Variants in ELAVL2 observed in about 807,000 individuals in gnomAD.
ELAVL2 encodes ELAV-like protein 2.
A neutral mutation model predicts 34.6 loss-of-function variants in ELAVL2; 4 were observed. The ratio of observed to expected loss-of-function variants is 0.12; its 90% CI spans 0.06 to 0.26. ELAVL2 has a LOEUF of 0.26. ELAVL2 is among the 10% of genes least tolerant of loss of function. The pLI is 1.00. For synonymous variants in ELAVL2, 193 were observed against 154.8 expected, an observed-to-expected ratio of 1.25 and a Z score of -1.83; for missense variants, 432 against 442.8, an observed-to-expected ratio of 0.98 and a Z score of 0.22.
chr9:23,772,637 G>C (rs1459268526), intron 1 of ELAVL2, among the ~76,000 whole-genome samples: 3 of 151,606 alleles, frequency 2.0e-5, no homozygotes, highest in Non-Finnish European at 4.4e-5. Context: ...CCATCCCAGG[G>C]CACATAAATA....
chr9:23,701,423 G>A lies in ELAVL2; in HGVS notation c.669C>T (p.Asn223=), dbSNP rs767990129. Residue 223 remains asparagine, a synonymous_variant, in exon 5 of 7, where the codon AAC becomes AAT. Transcript: ENST00000397312. ...AILSQLYQSP[N]RRYPGPLAQQ... Reference sequence around the variant, plus strand: ...GAGCTAGCGGTCCTGGATACCTTCTGTTTGGAGACTGGTACAGCTGGGAAA... The same window carrying A: ...GAGCTAGCGGTCCTGGATACCTTCTATTTGGAGACTGGTACAGCTGGGAAA... 4 of 1,614,018 alleles carry A rather than the reference G, an allele frequency of 2.5e-6. No homozygotes were observed. Among genetic ancestry groups the A allele is most frequent in the Non-Finnish European group, 3.4e-6 (4 of 1,180,002 alleles).
chr9:23,846,397 A>G, the ELAVL2 span, among the ~76,000 whole-genome samples: 1 of 151,992 alleles, frequency 6.6e-6, no homozygotes, highest in Non-Finnish European at 1.5e-5. Flanking sequence ...TAAAAATCAT[A>G]TAACATTTTA....
chr9:23,778,463 T>C (rs778975446), intron 1 of ELAVL2, among the ~76,000 whole-genome samples: 3 of 152,222 alleles, frequency 2.0e-5, no homozygotes, highest in Admixed American at 6.5e-5. Flanking sequence ...CTGATTTCGC[T>C]TAATAAATAA....
At chr9:23,768,744 G>A (rs2056779292) in intron 1 of ELAVL2, among the ~76,000 whole-genome samples, 4 of 152,088 alleles carry the variant, frequency 2.6e-5, no homozygotes, top group Admixed American at 2.0e-4. Flanking sequence ...CCAAGCCTCT[G>A]GCCAGCAGGG....
intron 1 of ELAVL2, among the ~76,000 whole-genome samples, chr9:23,777,465 T>C (rs2058398766): frequency 1.3e-5 from 2 of 152,156 alleles, no homozygotes; most frequent in African/African-American, 4.8e-5. Context: ...AAACGTGCCC[T>C]TTCTATACCC....
chr9:23,702,673 A>AT (rs955342965), intron 4 of ELAVL2, among the ~76,000 whole-genome samples: 9 of 151,796 alleles, frequency 5.9e-5, no homozygotes, highest in Admixed American at 1.3e-4. Flanking sequence ...TAGACAAAGC[A>AT]TTTTTTCCAC....
At chr9:23,731,190 A>G in intron 2 of ELAVL2, 65 bp from the exon 3 acceptor site, 2 of 1,411,918 alleles carry the variant, frequency 1.4e-6, no homozygotes, top group Non-Finnish European at 1.9e-6. Flanking sequence ...ATCAACTTTC[A>G]TTTTGGCATA....
intron 2 of ELAVL2, among the ~76,000 whole-genome samples, chr9:23,734,350 C>T (rs1437833640): frequency 6.6e-6 from 1 of 152,128 alleles, no homozygotes; most frequent in Non-Finnish European, 1.5e-5. Context: ...TTCACATTAA[C>T]CATGTTCGGT....
intron 2 of ELAVL2, among the ~76,000 whole-genome samples, chr9:23,749,482 C>T (rs1227934112): frequency 1.3e-5 from 2 of 151,992 alleles, no homozygotes; most frequent in Admixed American, 6.6e-5. Context: ...GTTCAAGATA[C>T]GCAGATGGGC....
intron 6 of ELAVL2, 144 bp from the exon 7 acceptor site, chr9:23,693,028 T>C (rs1436113163): frequency 3.9e-6 from 3 of 777,298 alleles, no homozygotes; most frequent in Middle Eastern, 3.4e-4. Context: ...TTTCATGTTT[T>C]GACCAAGGTC....
chr9:23,776,033 G>C (rs767273692), intron 1 of ELAVL2, among the ~76,000 whole-genome samples: 1 of 152,132 alleles, frequency 6.6e-6, no homozygotes, highest in Non-Finnish European at 1.5e-5. Flanking sequence ...AAGGTGGCAA[G>C]TAAAAAACAA....
chr9:23,764,785 T>C (rs927667224), intron 1 of ELAVL2, among the ~76,000 whole-genome samples: 1 of 152,112 alleles, frequency 6.6e-6, no homozygotes, highest in African/African-American at 2.4e-5. Flanking sequence ...CTAATTTAGA[T>C]TGTAAAAAAA....
intron 2 of ELAVL2, among the ~76,000 whole-genome samples, chr9:23,746,943 A>G (rs1405050174): frequency 2.0e-5 from 3 of 152,126 alleles, no homozygotes. Flanking sequence ...ATCTTCGCTC[A>G]ACAAAACAAG....
intron 3 of ELAVL2, among the ~76,000 whole-genome samples, chr9:23,707,881 G>A (rs1257213670): frequency 6.6e-6 from 1 of 152,162 alleles, no homozygotes; most frequent in Non-Finnish European, 1.5e-5. Context: ...GTCCATTACA[G>A]TGTTCTAGAA....
intron 3 of ELAVL2, among the ~76,000 whole-genome samples, chr9:23,706,042 C>T (rs2039233112): frequency 6.6e-6 from 1 of 152,080 alleles, no homozygotes; most frequent in Non-Finnish European, 1.5e-5. Flanking sequence ...CATAAATTCC[C>T]AGAAATTTGA....
chr9:23,844,578 TATA>T, the ELAVL2 span, among the ~76,000 whole-genome samples: 2 of 152,058 alleles, frequency 1.3e-5, no homozygotes, highest in Non-Finnish European at 2.9e-5. Flanking sequence ...GTTAAATATT[TATA>T]ATGTTAATCA....
At chr9:23,718,482 T>C (rs2042866520) in intron 3 of ELAVL2, among the ~76,000 whole-genome samples, 1 of 152,170 alleles carries the variant, frequency 6.6e-6, no homozygotes. Flanking sequence ...ACTGTACCAG[T>C]TTTTTAAAAA....
chr9:23,765,270 T>C (rs1449689703), intron 1 of ELAVL2, among the ~76,000 whole-genome samples: 4 of 152,316 alleles, frequency 2.6e-5, no homozygotes, highest in South Asian at 2.1e-4. Flanking sequence ...CATTTCAACA[T>C]GTAGTTTTCT....
chr9:23,714,774 G>C (rs1032745259), intron 3 of ELAVL2, among the ~76,000 whole-genome samples: 1 of 151,838 alleles, frequency 6.6e-6, no homozygotes, highest in African/African-American at 2.4e-5. Context: ...CCATGCAATC[G>C]GCCACCTGAT....
Sources: allele counts gnomAD v4.1 joint callset (sites outside exome capture counted in the v4.1 genomes callset), GRCh38; gene constraint gnomAD v4.1.1; transcripts MANE v1.5; gene names NCBI Gene and HGNC (gene_info 2026-07-23, HGNC 2026-07-21).